The following DLGAP4 variants were observed in gnomAD, a reference collection of about 807,000 sequenced individuals.
The protein encoded by DLGAP4 is disks large-associated protein 4.
Under a neutral mutation model 86.9 loss-of-function variants are expected in DLGAP4, and 18 were observed. The ratio of observed to expected loss-of-function variants is 0.21; its 90% CI spans 0.14 to 0.31. The LOEUF (loss-of-function observed/expected upper bound fraction) is 0.31, where lower values mean the gene tolerates loss of function less well. Ranked by LOEUF, DLGAP4 falls within the 10% of genes least tolerant of loss-of-function variation. The pLI is 1.00. For synonymous variants in DLGAP4, 548 were observed against 574.3 expected (o/e 0.95, Z 0.65); for missense variants, 1,085 against 1,362.6 (o/e 0.80, Z 3.21).
intron 7 of DLGAP4, among the ~76,000 whole-genome samples, chr20:36,458,420 T>A (rs1600559643): frequency 7.6e-6 from 1 of 131,584 alleles, no homozygotes; most frequent in Non-Finnish European, 1.6e-5. Context: ...TGGCGAGGGG[T>A]TTCACCATGT....
At chr20:36,447,140 G>A (rs546136001) in intron 7 of DLGAP4, among the ~76,000 whole-genome samples, 1 of 152,308 alleles carries the variant, frequency 6.6e-6, no homozygotes, top group South Asian at 2.1e-4. Flanking sequence ...GGGGGTCCCA[G>A]AGGCAGATGC....
intron 7 of DLGAP4, among the ~76,000 whole-genome samples, chr20:36,494,959 A>G (rs1033029674): frequency 2.0e-5 from 3 of 151,360 alleles, no homozygotes; most frequent in Non-Finnish European, 2.9e-5. Flanking sequence ...CCAAAAGTAA[A>G]AAAGTGGTTT....
chr20:36,379,189 G>T (rs1569478772), intron 2 of DLGAP4, among the ~76,000 whole-genome samples: 1 of 152,180 alleles, frequency 6.6e-6, no homozygotes, highest in Non-Finnish European at 1.5e-5. Flanking sequence ...ATGCTGGATG[G>T]GTAAAGTGGC....
chr20:36,444,995 C>A (rs946689296), intron 6 of DLGAP4, among the ~76,000 whole-genome samples: 2 of 151,886 alleles, frequency 1.3e-5, no homozygotes, highest in Non-Finnish European at 2.9e-5. Flanking sequence ...CTTGCTTTGT[C>A]CCCCAGGCTG....
At chr20:36,307,411 TCATCCCTCCATCCCTC>T (rs1195495864) in intron 1 of DLGAP4, among the ~76,000 whole-genome samples, 2 of 152,060 alleles carry the variant, frequency 1.3e-5, no homozygotes, top group South Asian at 4.2e-4. Flanking sequence ...CTCCATCCCT[TCATCCCTCCATCCCTC>T]CATCCCTCCA....
intron 2 of DLGAP4, among the ~76,000 whole-genome samples, chr20:36,382,546 TTGA>T (rs1191201346): frequency 3.4e-5 from 5 of 145,478 alleles, no homozygotes; most frequent in African/African-American, 1.3e-4. Flanking sequence ...TTTTTTTTTT[TTGA>T]GACAGAGTCT....
rs114655188 is a variant in DLGAP4, at chr20:36,346,747, C to T, written c.-303-20298C>T. Reference sequence around the variant, plus strand: ...TTTAATTCTATGACCCCAATTTCTACTCTTCCCCTCTACTCCAGTTCTTTC... The same window carrying T: ...TTTAATTCTATGACCCCAATTTCTATTCTTCCCCTCTACTCCAGTTCTTTC... On this transcript the variant is annotated intron_variant, in intron 1 of 12. Coordinates refer to ENST00000339266, the MANE Select transcript of DLGAP4 (RefSeq NM_001365621.2). Among the ~76,000 whole-genome samples the T allele has an allele frequency of 4.7e-3, 720 of 152,150 alleles. 9 individuals carry two copies. Among genetic ancestry groups the T allele is most frequent in the African/African-American group, 0.017 (700 of 41,486 alleles).
At chr20:36,456,786 A>G (rs2033889406) in intron 7 of DLGAP4, among the ~76,000 whole-genome samples, 1 of 152,230 alleles carries the variant, frequency 6.6e-6, no homozygotes, top group Admixed American at 6.5e-5. Context: ...GCAGGCCTCC[A>G]ATCCCAGGAT....
rs749473976 is a variant in DLGAP4 at position 36,499,485 on chromosome 20, G to A, written c.2011-103G>A. ...CTCGTGTCTGTCTGTCCACACGTCC[G>A]TTTGCGTCGTCCCACTAATGTGAAT... On this transcript the variant is annotated intron_variant, in intron 8 of 12. Transcript: ENST00000339266. 6.5e-5 allele frequency: 91 copies of A among 1,399,624 alleles called. 1 individual carries two copies. The highest frequency in any genetic ancestry group is 1.4e-4 in the Admixed American group (7 of 51,038). 86.7% of individuals were successfully genotyped at this position (1,399,624 alleles called of 1,614,324 possible). A position where few individuals can be genotyped will look rare whatever the true frequency, so the allele number is the denominator to read the frequency against.
chr20:36,512,038 GTC>G (rs1346465792), intron 10 of DLGAP4, among the ~76,000 whole-genome samples: 1 of 147,438 alleles, frequency 6.8e-6, no homozygotes, highest in Non-Finnish European at 1.5e-5. Context: ...TGCCAATTTT[GTC>G]TCTCTGATTT....
chr20:36,418,113 A>G (rs1337920803), intron 2 of DLGAP4, among the ~76,000 whole-genome samples: 3 of 145,670 alleles, frequency 2.1e-5, no homozygotes, highest in East Asian at 2.1e-4. Context: ...GTGCGCGCAT[A>G]TGTGTGTGTG....
intron 10 of DLGAP4, among the ~76,000 whole-genome samples, chr20:36,510,416 A>G (rs1189857402): frequency 6.6e-6 from 1 of 152,074 alleles, no homozygotes; most frequent in African/African-American, 2.4e-5. Context: ...GGTGCATGCA[A>G]CCACACCTGG....
At chr20:36,461,984 G>T in intron 7 of DLGAP4, 3 of 984,944 alleles carry the variant, frequency 3.0e-6, no homozygotes, top group Non-Finnish European at 3.6e-6. Context: ...CCCCCTCAGA[G>T]CGCCCCCAGA....
In DLGAP4 at chr20:36,432,424, G is replaced by A. The variant is rs772114352; in HGVS notation, c.707G>A (p.Arg236His). The A allele has an allele frequency of 1.7e-5, 27 of 1,613,562 alleles. No individual in the cohort carries two copies. In the Admixed American group the frequency reaches 3.0e-4, roughly 18 times the overall value. Reference sequence around the variant, plus strand: ...ATGACACTAGGCCGCCAGGCAGAACGCAGCCAGCCACGCTACTTCATGCAC... The same window carrying A: ...ATGACACTAGGCCGCCAGGCAGAACACAGCCAGCCACGCTACTTCATGCAC... ...GLMTLGRQAE[R>H]SQPRYFMHAY... is the part of the protein sequence containing the mutation. Residue 236 changes from arginine to histidine, a missense_variant, in exon 3 of 13, where the codon CGC becomes CAC. Physicochemically the swap from Arg to His is conservative, Grantham distance 29. Around this residue, in one of 2 missense-constraint regions of DLGAP4, gnomAD observed 1,082 missense variants for 1,344.1 expected, o/e 0.81. Transcript: ENST00000339266. This position sits in a 1 kb window ranked among gnomAD's most constrained non-coding sequence, Gnocchi z 6.5.
At chr20:36,448,670 A>G (rs567501428) in intron 7 of DLGAP4, among the ~76,000 whole-genome samples, 2 of 152,322 alleles carry the variant, frequency 1.3e-5, no homozygotes, top group African/African-American at 4.8e-5. Flanking sequence ...ATGGTGGCTC[A>G]TGCCTGTAAT....
chr20:36,431,532 T>C lies in DLGAP4; in HGVS notation c.-72-114T>C, dbSNP rs976993597. The C allele has an allele frequency of 1.5e-6, 1 of 650,344 alleles. No homozygotes were observed. Among genetic ancestry groups the C allele is most frequent in the South Asian group, 2.1e-5 (1 of 48,450 alleles). 40.3% of individuals were successfully genotyped at this position (650,344 alleles called of 1,614,324 possible). A position where few individuals can be genotyped will look rare whatever the true frequency, so the allele number is the denominator to read the frequency against. ...TACTCCTGTCCTCAGGCCCACAACA[T>C]TGAGGACTGGCTTCAGAGATCCTCC... On this transcript the variant is annotated intron_variant, in intron 2 of 12. Coordinates refer to ENST00000339266, the MANE Select transcript of DLGAP4 (RefSeq NM_001365621.2). The surrounding 1 kb of genome is among the most constrained non-coding windows in gnomAD (Gnocchi z 5.1).
chr20:36,347,875 T>C (rs1348077055), intron 1 of DLGAP4, among the ~76,000 whole-genome samples: 1 of 151,480 alleles, frequency 6.6e-6, no homozygotes, highest in African/African-American at 2.4e-5. Context: ...ATCTCCCAAA[T>C]ATGAGATGGG....
chr20:36,399,988 GA>G (rs1259871570), intron 2 of DLGAP4, among the ~76,000 whole-genome samples: 1 of 152,208 alleles, frequency 6.6e-6, no homozygotes, highest in Non-Finnish European at 1.5e-5. Context: ...TCACAATGAA[GA>G]ATTGTCCCAG....
At chr20:36,367,531 G>A (rs1481766566) in intron 2 of DLGAP4, among the ~76,000 whole-genome samples, 1 of 152,204 alleles carries the variant, frequency 6.6e-6, no homozygotes, top group Non-Finnish European at 1.5e-5. Flanking sequence ...CCACCTGCTT[G>A]GGGTGCACAG....
Sources: allele counts gnomAD v4.1 joint callset (sites outside exome capture counted in the v4.1 genomes callset), GRCh38; gene constraint gnomAD v4.1.1; regional missense constraint gnomAD v4.1.1; non-coding constraint Gnocchi (gnomAD v3.1); transcripts MANE v1.5; gene names NCBI Gene and HGNC (gene_info 2026-07-23, HGNC 2026-07-21).